CPEB3: variants seen among roughly 807,000 people sequenced by gnomAD.
CPEB3 encodes cytoplasmic polyadenylation element binding protein 3.
A neutral mutation model predicts 67.2 loss-of-function variants in CPEB3; 20 were observed. The observed-to-expected ratio is 0.30, with a 90% CI of 0.21 to 0.43. The LOEUF is 0.43. Among genes scored for constraint, CPEB3 ranks in the 20% least tolerant of loss-of-function variants. CPEB3 has a pLI of 1.00. For synonymous variants in CPEB3, 376 were observed against 393.1 expected (o/e 0.96, Z 0.51); for missense variants, 746 against 968.6 (o/e 0.77, Z 3.05).
chr10:92,176,483 T>C (rs1421032922), intron 4 of CPEB3, among the ~76,000 whole-genome samples: 2 of 152,250 alleles, frequency 1.3e-5, no homozygotes, highest in Non-Finnish European at 2.9e-5. Context: ...AATTCATTGC[T>C]GCATCTTCAA....
intron 1 of CPEB3, among the ~76,000 whole-genome samples, chr10:92,289,823 CATATATATTATATATAATACAA>C (rs1321831672): frequency 1.1e-4 from 12 of 112,402 alleles, no homozygotes; most frequent in Non-Finnish European, 1.9e-4. Context: ...TTATATAATA[CATATATATTATATATAATACAA>C]ATATATATAA....
At position 92,046,942 on chromosome 10, in the gene CPEB3, C is replaced by T. The variant is rs187640342; in HGVS notation, c.*5270G>A. ...TTAAAATTAGTTGTTAGTTGAAAAA[C>T]AAATACAGAGATCCTAGCTGTGAAC... On this transcript the variant is annotated 3_prime_UTR_variant, in exon 10 of 10. Transcript: ENST00000265997. 5 of 152,268 alleles carry T rather than the reference C, an allele frequency of 3.3e-5. No homozygotes were observed. Among genetic ancestry groups the T allele is most frequent in the African/African-American group, 9.6e-5 (4 of 41,558 alleles). 9.4% of individuals were successfully genotyped at this position (152,268 alleles called of 1,614,324 possible). A position where few individuals can be genotyped will look rare whatever the true frequency, so the allele number is the denominator to read the frequency against.
At chr10:92,224,245 C>A (rs1258312966) in intron 2 of CPEB3, among the ~76,000 whole-genome samples, 2 of 152,114 alleles carry the variant, frequency 1.3e-5, no homozygotes. Flanking sequence ...TTAGGTTCTC[C>A]CACGTTAACT....
chr10:92,152,011 T>G (rs1846990733), intron 4 of CPEB3, among the ~76,000 whole-genome samples: 1 of 152,166 alleles, frequency 6.6e-6, no homozygotes, highest in African/African-American at 2.4e-5. Flanking sequence ...ATCCAATCAT[T>G]TGACCTTGCT....
intron 6 of CPEB3, chr10:92,119,281 C>T (rs796877588): frequency 6.5e-7 from 1 of 1,531,712 alleles, no homozygotes; most frequent in South Asian, 1.1e-5. Context: ...GATCCTTTTG[C>T]ACTTTCAGAT....
chr10:92,107,254 C>T (rs1844518362), intron 7 of CPEB3, among the ~76,000 whole-genome samples: 1 of 152,182 alleles, frequency 6.6e-6, no homozygotes, highest in South Asian at 2.1e-4. Flanking sequence ...GAATGGATCC[C>T]CACATAAGCA....
intron 9 of CPEB3, chr10:92,076,247 T>G (rs1842928752): frequency 6.6e-6 from 1 of 152,166 alleles, no homozygotes; most frequent in African/African-American, 2.4e-5. Flanking sequence ...GGTATTGGTT[T>G]AAAGCCAACT....
intron 3 of CPEB3, among the ~76,000 whole-genome samples, chr10:92,186,982 T>C (rs1848724442): frequency 6.6e-6 from 1 of 152,084 alleles, no homozygotes; most frequent in African/African-American, 2.4e-5. Flanking sequence ...AACTGAGCAA[T>C]AATTCAAGCC....
intron 7 of CPEB3, among the ~76,000 whole-genome samples, chr10:92,094,808 GAC>G (rs10654734): frequency 0.24 from 35,325 of 145,452 alleles, 4,344 homozygotes; most frequent in Middle Eastern, 0.34. Context: ...AGATTCTAAT[GAC>G]ACACACACAC....
At chr10:92,140,816 C>A (rs1452876286) in intron 6 of CPEB3, among the ~76,000 whole-genome samples, 3 of 101,808 alleles carry the variant, frequency 2.9e-5, no homozygotes, top group African/African-American at 1.2e-4. Context: ...AAAAAGTGGG[C>A]GAAGGACATG....
At position 92,217,262 on chromosome 10, in the gene CPEB3, C is replaced by T. The variant is rs1029111671; in HGVS notation, c.1005+22084G>A. ...ATATATATATATACACACACACACACACACACACACATATATATATGCACA... is the reference window on the plus strand; with the variant it reads ...ATATATATATATACACACACACACATACACACACACATATATATATGCACA... On this transcript the variant is annotated intron_variant, in intron 2 of 9. Coordinates refer to ENST00000265997, the MANE Select transcript of CPEB3 (RefSeq NM_014912.5). Among the ~76,000 whole-genome samples the T allele has an allele frequency of 1.0e-3, 141 of 138,990 alleles. 1 individual carries two copies. Among genetic ancestry groups the T allele is most frequent in the Non-Finnish European group, 2.0e-3 (128 of 65,202 alleles). The allele number at this position is 138,990 out of a possible 152,430, so 91.2% of individuals were successfully genotyped here.
intron 2 of CPEB3, among the ~76,000 whole-genome samples, chr10:92,236,499 G>A (rs1303651549): frequency 6.6e-6 from 1 of 152,188 alleles, no homozygotes; most frequent in Non-Finnish European, 1.5e-5. Context: ...TGTAATCCCA[G>A]CACTTTGGGA....
rs980868348 is a variant in CPEB3 at position 92,046,797 on chromosome 10, T to C, written c.*5415A>G. The C allele has an allele frequency of 6.6e-6, 1 of 152,234 alleles. No individual in the cohort carries two copies. The highest frequency in any genetic ancestry group is 2.4e-5 in the African/African-American group (1 of 41,460). The allele number at this position is 152,234 out of a possible 1,614,324, so 9.4% of individuals were successfully genotyped here. A position where few individuals can be genotyped will look rare whatever the true frequency, so the allele number is the denominator to read the frequency against. ...CAGTAGCTGCATTGAGCTCCATGTT[T>C]AGTCACAGTACTGTAGTTCCATACA... On this transcript the variant is annotated 3_prime_UTR_variant, in exon 10 of 10. Transcript: ENST00000265997.
At chr10:92,238,437 C>A (rs1283013950) in intron 2 of CPEB3, among the ~76,000 whole-genome samples, 1 of 152,182 alleles carries the variant, frequency 6.6e-6, no homozygotes, top group Non-Finnish European at 1.5e-5. Context: ...AACACCAAGA[C>A]ACAGGACTCA....
At chr10:92,196,612 C>T (rs754842110) in intron 2 of CPEB3, among the ~76,000 whole-genome samples, 1 of 151,984 alleles carries the variant, frequency 6.6e-6, no homozygotes, top group Non-Finnish European at 1.5e-5. Context: ...ACTAAAAATA[C>T]AAAAAATCAG....
intron 2 of CPEB3, among the ~76,000 whole-genome samples, chr10:92,212,877 C>A (rs1850163107): frequency 6.6e-6 from 1 of 151,958 alleles, no homozygotes; most frequent in African/African-American, 2.4e-5. Flanking sequence ...CCAGACCAGC[C>A]TGGGCAACAT....
chr10:92,166,656 G>C (rs148030429), intron 4 of CPEB3, among the ~76,000 whole-genome samples: 61 of 152,284 alleles, frequency 4.0e-4, no homozygotes, highest in African/African-American at 1.2e-3. Context: ...TGTCATACAG[G>C]CTTTGTTGTT....
chr10:92,058,552 A>AATAC (rs58987766), intron 9 of CPEB3, among the ~76,000 whole-genome samples: 30,567 of 138,350 alleles, frequency 0.22, 3,569 homozygotes, highest in Middle Eastern at 0.27. Context: ...CCATCTCAAA[A>AATAC]ATACATACAT....
intron 6 of CPEB3, among the ~76,000 whole-genome samples, chr10:92,130,382 G>C (rs1845790666): frequency 6.6e-6 from 1 of 151,820 alleles, no homozygotes. Context: ...GTGAGGTCCA[G>C]GACCAAGTCA....
Sources: allele counts gnomAD v4.1 joint callset (sites outside exome capture counted in the v4.1 genomes callset), GRCh38; gene constraint gnomAD v4.1.1; transcripts MANE v1.5; gene names NCBI Gene and HGNC (gene_info 2026-07-23, HGNC 2026-07-21).